The following GRID2 variants were observed in gnomAD, a reference collection of about 807,000 sequenced individuals.
GRID2 encodes the protein glutamate ionotropic receptor delta type subunit 2.
In GRID2, 33 loss-of-function variants were observed where a neutral mutation model predicts 114.8. The observed-to-expected ratio is 0.29, with a 90% CI of 0.22 to 0.38. The LOEUF (loss-of-function observed/expected upper bound fraction) is 0.38, where lower values mean the gene tolerates loss of function less well. Among genes scored for constraint, GRID2 ranks in the 10% least tolerant of loss-of-function variants. GRID2 has a pLI of 1.00. For missense variants in GRID2, 1,184 were observed against 1,257.7 expected (o/e 0.94, Z 0.89); for synonymous variants, 505 against 449.9 (o/e 1.12, Z -1.55).
chr4:92,727,276 G>C (rs17019831), intron 2 of GRID2, among the ~76,000 whole-genome samples: 3,565 of 151,822 alleles, frequency 0.023, 154 homozygotes, highest in African/African-American at 0.082. Flanking sequence ...AGTGTTTCTG[G>C]GTTTCTTTGC....
intron 14 of GRID2, among the ~76,000 whole-genome samples, chr4:93,685,927 G>T (rs1319374204): frequency 6.6e-6 from 1 of 151,956 alleles, no homozygotes; most frequent in Non-Finnish European, 1.5e-5. Flanking sequence ...TAAAACACAG[G>T]GGAGAGAGGC....
At chr4:92,447,000 C>T (rs1489229963) in intron 1 of GRID2, among the ~76,000 whole-genome samples, 1 of 152,180 alleles carries the variant, frequency 6.6e-6, no homozygotes, top group African/African-American at 2.4e-5. Context: ...AGCAAGGGTT[C>T]AGAAACACTA....
intron 2 of GRID2, among the ~76,000 whole-genome samples, chr4:92,753,103 TGTAA>T (rs1737534057): frequency 6.6e-6 from 1 of 152,170 alleles, no homozygotes. Context: ...TTATTACAAA[TGTAA>T]GTAATACACA....
chr4:92,882,784 A>G (rs980373323), intron 2 of GRID2, among the ~76,000 whole-genome samples: 6 of 152,132 alleles, frequency 3.9e-5, no homozygotes, highest in African/African-American at 1.5e-4. Context: ...ATTCAATAGC[A>G]TATGTCTAAA....
At chr4:93,416,829 T>A (rs1276667950) in intron 9 of GRID2, among the ~76,000 whole-genome samples, 1 of 152,080 alleles carries the variant, frequency 6.6e-6, no homozygotes, top group Non-Finnish European at 1.5e-5. Context: ...CTTGCTAATA[T>A]GAAAATTATC....
chr4:93,121,558 T>G (rs1045051593), intron 4 of GRID2, among the ~76,000 whole-genome samples: 1 of 152,226 alleles, frequency 6.6e-6, no homozygotes, highest in Non-Finnish European at 1.5e-5. Context: ...TATATACTTC[T>G]GTTGATGATT....
chr4:92,629,355 A>G (rs1212011302), intron 2 of GRID2, among the ~76,000 whole-genome samples: 1 of 152,112 alleles, frequency 6.6e-6, no homozygotes, highest in Non-Finnish European at 1.5e-5. Flanking sequence ...CCATCTTAGT[A>G]TGGACACCAT....
At chr4:93,559,235 T>C (rs567482789) in intron 13 of GRID2, among the ~76,000 whole-genome samples, 1 of 152,184 alleles carries the variant, frequency 6.6e-6, no homozygotes, top group African/African-American at 2.4e-5. Flanking sequence ...AATTGACAAA[T>C]ATGATCTAAT....
chr4:93,416,209 C>A (rs1489801292), intron 9 of GRID2, among the ~76,000 whole-genome samples: 1 of 151,792 alleles, frequency 6.6e-6, no homozygotes, highest in East Asian at 1.9e-4. Flanking sequence ...AATTCCATAC[C>A]ATTGGCCTTC....
intron 8 of GRID2, among the ~76,000 whole-genome samples, chr4:93,267,626 C>A (rs745840942): frequency 4.6e-5 from 7 of 152,176 alleles, no homozygotes; most frequent in Non-Finnish European, 1.5e-5. Flanking sequence ...GGTCCACATT[C>A]GCCACCCGGG....
At chr4:93,522,539 G>A (rs1468224605) in intron 13 of GRID2, among the ~76,000 whole-genome samples, 5 of 151,904 alleles carry the variant, frequency 3.3e-5, no homozygotes, top group Admixed American at 2.6e-4. Context: ...GAAGATAATA[G>A]GAGCAAGAAA....
intron 2 of GRID2, among the ~76,000 whole-genome samples, chr4:92,908,925 A>G (rs1748165073): frequency 6.6e-6 from 1 of 152,164 alleles, no homozygotes; most frequent in Non-Finnish European, 1.5e-5. Flanking sequence ...GGATGAGACT[A>G]TGAATAGAAG....
intron 2 of GRID2, among the ~76,000 whole-genome samples, chr4:92,791,633 A>G (rs1739597592): frequency 6.6e-6 from 1 of 151,908 alleles, no homozygotes; most frequent in African/African-American, 2.4e-5. Context: ...AAATATAATA[A>G]GGAAAGTTAA....
rs1734253572 is a variant in GRID2 at position 93,773,594 on chromosome 4, C to T, written c.*1096C>T. 3 of 151,962 alleles carry T rather than the reference C, an allele frequency of 2.0e-5. No homozygotes were observed. The South Asian group carries it at 6.2e-4, about 32-fold the overall frequency. The allele number at this position is 151,962 out of a possible 1,614,324, so 9.4% of individuals were successfully genotyped here. ...AAAATGCTATTAGCTGAACCACATCCACAACAGCACATAGAGCTCTAGAAG... is the reference window on the plus strand; with the variant it reads ...AAAATGCTATTAGCTGAACCACATCTACAACAGCACATAGAGCTCTAGAAG... On this transcript the variant is annotated 3_prime_UTR_variant, in exon 16 of 16. Transcript: ENST00000282020.
At chr4:92,392,188 C>T (rs958461980) in intron 1 of GRID2, among the ~76,000 whole-genome samples, 1 of 152,036 alleles carries the variant, frequency 6.6e-6, no homozygotes, top group African/African-American at 2.4e-5. Context: ...TTATATTGCC[C>T]TGATCCTTTG....
intron 2 of GRID2, among the ~76,000 whole-genome samples, chr4:92,731,867 A>G (rs1166018223): frequency 6.6e-6 from 1 of 151,990 alleles, no homozygotes; most frequent in Non-Finnish European, 1.5e-5. Context: ...TTATTTGACC[A>G]TCACAATTTT....
At chr4:93,600,073 A>C (rs1423583361) in intron 13 of GRID2, among the ~76,000 whole-genome samples, 3 of 152,214 alleles carry the variant, frequency 2.0e-5, no homozygotes, top group Non-Finnish European at 4.4e-5. Flanking sequence ...GCGTAGACAA[A>C]GTTTGGAGTT....
intron 1 of GRID2, among the ~76,000 whole-genome samples, chr4:92,541,050 A>T (rs941768733): frequency 6.6e-6 from 1 of 152,142 alleles, no homozygotes; most frequent in Non-Finnish European, 1.5e-5. Context: ...AGGACAAAAA[A>T]CCAAACACCA....
intron 2 of GRID2, among the ~76,000 whole-genome samples, chr4:92,653,747 C>G (rs539837310): frequency 1.3e-5 from 2 of 152,208 alleles, no homozygotes; most frequent in South Asian, 4.1e-4. Flanking sequence ...CTATTTCAGA[C>G]AAGTCACTAG....
Sources: allele counts gnomAD v4.1 joint callset (sites outside exome capture counted in the v4.1 genomes callset), GRCh38; gene constraint gnomAD v4.1.1; transcripts MANE v1.5; gene names NCBI Gene and HGNC (gene_info 2026-07-23, HGNC 2026-07-21).